The following ANK2 variants were observed in gnomAD, a reference collection of about 807,000 sequenced individuals.
ANK2 encodes the protein ankyrin-2.
Under a neutral mutation model 360.5 loss-of-function variants are expected in ANK2, and 83 were observed. The ratio of observed to expected loss-of-function variants is 0.23; its 90% CI spans 0.19 to 0.28. The LOEUF is 0.28. Ranked by LOEUF, ANK2 falls within the 10% of genes least tolerant of loss-of-function variation. ANK2 has a pLI of 1.00. For synonymous variants in ANK2, 1,740 were observed against 1,759.5 expected (o/e 0.99, Z 0.28); for missense variants, 4,201 against 4,795.7 (o/e 0.88, Z 3.66).
chr4:113,115,619 A>G (rs957476557), intron 1 of ANK2, among the ~76,000 whole-genome samples: 9 of 152,224 alleles, frequency 5.9e-5, no homozygotes, highest in African/African-American at 2.2e-4. Context: ...GTAAAAGGAA[A>G]AATGATAAAT....
chr4:113,177,065 A>G (rs2098238395), intron 2 of ANK2, among the ~76,000 whole-genome samples: 2 of 152,136 alleles, frequency 1.3e-5, no homozygotes, highest in African/African-American at 4.8e-5. Flanking sequence ...AGTCTTTGCT[A>G]TTGTGAATAG....
intron 7 of ANK2, among the ~76,000 whole-genome samples, 173 bp from the exon 8 acceptor site, chr4:113,240,310 TTA>T (rs1465826165): frequency 3.9e-5 from 6 of 152,202 alleles, no homozygotes; most frequent in African/African-American, 1.4e-4. Flanking sequence ...TATTTACTTT[TTA>T]TATGTTTAGT....
intron 2 of ANK2, among the ~76,000 whole-genome samples, chr4:112,917,305 A>C (rs1448370689): frequency 6.6e-6 from 1 of 152,218 alleles, no homozygotes; most frequent in African/African-American, 2.4e-5. Flanking sequence ...CAATTCTACA[A>C]ACTTTTAATG....
Position 113,354,223 on chromosome 4 carries a change from G to A in ANK2, c.5605G>A (p.Ala1869Thr). The A allele has an allele frequency of 6.2e-7, 1 of 1,614,002 alleles. No homozygotes were observed. The highest frequency in any genetic ancestry group is 8.5e-7 in the Non-Finnish European group (1 of 1,179,938). Reference sequence around the variant, plus strand: ...TGCAAAAACGGAAAGACATTCACCTGCGTCATCATCGAGTAAAACTGAGAA... The same window carrying A: ...TGCAAAAACGGAAAGACATTCACCTACGTCATCATCGAGTAAAACTGAGAA... ...PSAKTERHSP[A>T]SSSSKTEKHS... Residue 1869 changes from alanine (A) to threonine (T), a missense_variant, in exon 38 of 46, where the codon GCG (alanine) becomes ACG (threonine). Ala to Thr is a moderately conservative substitution (Grantham distance 58). Coordinates refer to ENST00000357077, the MANE Select transcript of ANK2 (RefSeq NM_001148.6).
the ANK2 span, among the ~76,000 whole-genome samples, chr4:112,750,285 T>TG: frequency 6.6e-6 from 1 of 152,054 alleles, no homozygotes; most frequent in South Asian, 2.1e-4. Context: ...CGCTTGAATC[T>TG]GGGAGGTGGA....
At chr4:113,205,068 T>C (rs1029085995) in intron 4 of ANK2, among the ~76,000 whole-genome samples, 3 of 151,956 alleles carry the variant, frequency 2.0e-5, no homozygotes, top group Non-Finnish European at 4.4e-5. Context: ...ACCCCGTCTC[T>C]ACTAAAAATA....
At chr4:113,259,510 A>C (rs1213741747) in intron 13 of ANK2, among the ~76,000 whole-genome samples, 1 of 152,158 alleles carries the variant, frequency 6.6e-6, no homozygotes, top group Non-Finnish European at 1.5e-5. Flanking sequence ...TGGCTAGGAA[A>C]ATCCATTGTG....
chr4:113,065,837 A>G (rs1483739317), intron 1 of ANK2, among the ~76,000 whole-genome samples: 1 of 152,182 alleles, frequency 6.6e-6, no homozygotes, highest in Admixed American at 6.5e-5. Flanking sequence ...CCCAATATTT[A>G]CTAATCAATT....
intron 4 of ANK2, among the ~76,000 whole-genome samples, chr4:113,217,451 G>T (rs904025615): frequency 6.6e-6 from 1 of 152,110 alleles, no homozygotes; most frequent in Admixed American, 6.6e-5. Flanking sequence ...GTATTTCAAG[G>T]TATAAATTAT....
At chr4:113,105,672 G>A (rs2093526545) in intron 1 of ANK2, among the ~76,000 whole-genome samples, 1 of 152,132 alleles carries the variant, frequency 6.6e-6, no homozygotes, top group Non-Finnish European at 1.5e-5. Flanking sequence ...ATTATTCCAT[G>A]ATCTGACATG....
At chr4:113,017,303 C>T (rs1265668052) in intron 2 of ANK2, among the ~76,000 whole-genome samples, 4 of 151,434 alleles carry the variant, frequency 2.6e-5, no homozygotes, top group East Asian at 3.9e-4. Flanking sequence ...AACTCTGATT[C>T]GGCCACTTAT....
intron 2 of ANK2, among the ~76,000 whole-genome samples, chr4:112,938,233 C>T (rs2093919582): frequency 6.6e-6 from 1 of 152,104 alleles, no homozygotes; most frequent in Admixed American, 6.6e-5. Context: ...TAACGAGAAA[C>T]TGAGGTTCAT....
intron 2 of ANK2, among the ~76,000 whole-genome samples, chr4:112,960,785 G>T (rs566874483): frequency 6.6e-6 from 1 of 151,870 alleles, no homozygotes; most frequent in East Asian, 1.9e-4. Context: ...TTATATATTG[G>T]CTTGTCAAGT....
At chr4:112,788,479 G>A in the ANK2 span, 1 of 1,596,680 alleles carries the variant, frequency 6.3e-7, no homozygotes, top group Non-Finnish European at 8.6e-7. Context: ...CTGCTCAAAG[G>A]ACAGGTGGTC....
chr4:113,046,683 A>G (rs1225901545), upstream of ANK2, among the ~76,000 whole-genome samples: 1 of 151,984 alleles, frequency 6.6e-6, no homozygotes, highest in African/African-American at 2.4e-5. Flanking sequence ...TGACAAATAA[A>G]TTTCTATTAT....
intron 38 of ANK2, among the ~76,000 whole-genome samples, chr4:113,359,738 G>A (rs892239094): frequency 6.6e-6 from 1 of 152,108 alleles, no homozygotes; most frequent in African/African-American, 2.4e-5. Context: ...TTACAATTTT[G>A]TAATCATTAG....
intron 2 of ANK2, among the ~76,000 whole-genome samples, chr4:113,007,492 G>A (rs1200450531): frequency 1.3e-5 from 2 of 152,102 alleles, no homozygotes; most frequent in Non-Finnish European, 2.9e-5. Context: ...TTTTTCCCGT[G>A]TGCTTCTTAG....
the ANK2 span, among the ~76,000 whole-genome samples, chr4:112,799,549 C>T: frequency 6.6e-6 from 1 of 151,774 alleles, no homozygotes; most frequent in Non-Finnish European, 1.5e-5. Context: ...TGAAGTCTCG[C>T]TGTGTCACCC....
At chr4:113,002,579 G>A (rs944095558) in intron 2 of ANK2, among the ~76,000 whole-genome samples, 1 of 152,032 alleles carries the variant, frequency 6.6e-6, no homozygotes, top group Non-Finnish European at 1.5e-5. Flanking sequence ...GGGGGAGAGG[G>A]GAGGGATAGC....
Sources: gnomAD v4.1 joint callset for allele counts (sites outside exome capture counted in the v4.1 genomes callset) on GRCh38, gnomAD v4.1.1 for gene constraint, MANE v1.5 for transcripts, NCBI Gene and HGNC (gene_info 2026-07-23, HGNC 2026-07-21) for gene names.